The following COL3A1 variants were observed in gnomAD, a reference collection of about 807,000 sequenced individuals.
COL3A1 encodes collagen alpha-1(III) chain.
In COL3A1, 46 loss-of-function variants were observed where a neutral mutation model predicts 200.9. The observed-to-expected ratio is 0.23, with a 90% CI of 0.18 to 0.29. The LOEUF is 0.29. COL3A1 is among the 10% of genes least tolerant of loss of function. The pLI, the probability that COL3A1 is intolerant of heterozygous loss-of-function variation, is 1.00. For synonymous variants in COL3A1, 650 were observed against 628.0 expected, an observed-to-expected ratio of 1.03 and a Z score of -0.52; for missense variants, 1,367 against 1,917.6, an observed-to-expected ratio of 0.71 and a Z score of 5.36.
In COL3A1 at chr2:188,994,654, T is replaced by C. The variant is rs996739719; in HGVS notation, c.1347+60T>C. The C allele has an allele frequency of 1.9e-6, 3 of 1,609,872 alleles. No individual in the cohort carries two copies. In the East Asian group the frequency reaches 6.7e-5, roughly 36 times the overall value. On this transcript the variant is annotated intron_variant, in intron 19 of 50. Transcript: ENST00000304636. This position sits in a 1 kb window ranked among gnomAD's most constrained non-coding sequence, Gnocchi z 4.5. ...GAAAAAATGCAACATAATTAGAAAG[T>C]AAACAGGTAAAAACTTTGAACTAAA...
chr2:188,987,943 A>C, intron 5 of COL3A1, 138 bp from the exon 6 acceptor site: 2 of 708,148 alleles, frequency 2.8e-6, no homozygotes, highest in Non-Finnish European at 2.6e-6. Context: ...AGATCTCATG[A>C]ATAGTTATCA....
At chr2:188,989,948 AC>A in intron 8 of COL3A1, 147 bp from the exon 9 acceptor site, 1 of 748,306 alleles carries the variant, frequency 1.3e-6, no homozygotes, top group Non-Finnish European at 2.4e-6. Flanking sequence ...CATGCCTTCT[AC>A]CAAGAAAGCT....
rs1160258883 is a variant in COL3A1 at position 188,999,336 on chromosome 2, C to A, written c.2074C>A (p.Pro692Thr). The A allele has an allele frequency of 1.9e-6, 3 of 1,593,362 alleles. No individual in the cohort carries two copies. The highest frequency in any genetic ancestry group is 2.3e-5 in the East Asian group (1 of 43,866). Residue 692 changes from proline (P) to threonine (T), a missense_variant, in exon 30 of 51, where the codon CCA becomes ACA. This residue lies in a region of COL3A1 where 846 missense variants were observed against 1,147.9 expected (regional missense o/e 0.74). Coordinates refer to ENST00000304636, the MANE Select transcript of COL3A1 (RefSeq NM_000090.4). ...ERGPPGLAGA[P>T]GLRGGAGPPG... Reference sequence around the variant, plus strand: ...TGGACCTCCTGGATTGGCAGGGGCCCCAGGACTTAGAGGTGGAGCTGGTCC... The same window carrying A: ...TGGACCTCCTGGATTGGCAGGGGCCACAGGACTTAGAGGTGGAGCTGGTCC...
rs72912628 is a variant in COL3A1, at chr2:188,985,377, C to T, written c.333+130C>T. ...CACATATTTGAATAATGGCACCAAACAACAGACTGAGAATCCATAATTGTA... is the reference window on the plus strand; with the variant it reads ...CACATATTTGAATAATGGCACCAAATAACAGACTGAGAATCCATAATTGTA... On this transcript the variant is annotated intron_variant, in intron 3 of 50. Transcript: ENST00000304636. 0.018 allele frequency: 14,450 copies of T among 782,184 alleles called. 155 individuals are homozygous for T. Among genetic ancestry groups the T allele is most frequent in the African/African-American group, 0.038 (2,165 of 57,398 alleles). The allele number at this position is 782,184 out of a possible 1,614,324, so 48.5% of individuals were successfully genotyped here.
At position 188,992,895 on chromosome 2, in the gene COL3A1, T is replaced by C; in HGVS notation, c.1005T>C (p.Pro335=). 6.2e-7 allele frequency: 1 copy of C among 1,614,008 alleles called. No individual in the cohort carries two copies. Residue 335 remains proline (P), a synonymous_variant, in exon 15 of 51, where the codon CCT becomes CCC. Transcript: ENST00000304636. Reference sequence around the variant, plus strand: ...GTATTTAATTTTTTCAGGGCCCTCCTGGTCCTCCTGGAACTGCCGGATTCC... The same window carrying C: ...GTATTTAATTTTTTCAGGGCCCTCCCGGTCCTCCTGGAACTGCCGGATTCC... ...ARGSDGQPGP[P]GPPGTAGFPG...
chr2:188,983,242 T>A (rs936667503), intron 1 of COL3A1, among the ~76,000 whole-genome samples: 6 of 152,012 alleles, frequency 3.9e-5, no homozygotes, highest in Middle Eastern at 3.4e-3. Flanking sequence ...AAATTGCAAT[T>A]AAAAAATGAA....
At chr2:189,007,151 TATAGATAGATGATAGATAG>T (rs1354965783) in intron 44 of COL3A1, among the ~76,000 whole-genome samples, 161 bp downstream of exon 44, 91 of 105,350 alleles carry the variant, frequency 8.6e-4, no homozygotes, top group African/African-American at 2.8e-3. Flanking sequence ...TTGTTCTATC[TATAGATAGATGATAGATAG>T]ATAGATAGAT....
At chr2:189,006,175 A>T in intron 41 of COL3A1, 31 bp from the exon 42 acceptor site, 1 of 1,612,724 alleles carries the variant, frequency 6.2e-7, no homozygotes, top group Non-Finnish European at 8.5e-7. Flanking sequence ...GGTTTCAAGA[A>T]ATTTTATTTC....
At chr2:189,008,444 C>G (rs1688645824) in intron 47 of COL3A1, 1 of 454,786 alleles carries the variant, frequency 2.2e-6, no homozygotes, top group South Asian at 2.2e-5. Context: ...CTCAGAATTA[C>G]AACATTCATA....
At position 189,003,481 on chromosome 2, in the gene COL3A1, T is replaced by C; in HGVS notation, c.2607+17T>C. ...GGTGGACCTGTAAGTATTGATCCTC[T>C]TAACTATTATTGAAAAGCATTAATT... On this transcript the variant is annotated intron_variant, in intron 37 of 50. Transcript: ENST00000304636. 1 of 1,610,406 alleles carries C rather than the reference T, an allele frequency of 6.2e-7. No homozygotes were observed. The highest frequency in any genetic ancestry group is 8.5e-7 in the Non-Finnish European group (1 of 1,176,736).
In COL3A1 at chr2:188,984,776, T is replaced by C. The variant is rs1296448513; in HGVS notation, c.96T>C (p.Cys32=). 5 of 1,612,910 alleles carry C rather than the reference T, an allele frequency of 3.1e-6. No individual in the cohort carries two copies. The African/African-American group carries it at 6.7e-5, about 22-fold the overall frequency. ...LAQQEAVEGG[C]SHLGQSYADR... The stretch of plus-strand genomic sequence containing the variant: ...GTTTTTCAGCTGTTGAAGGAGGATG[T>C]TCCCATCTTGGTCAGTCCTATGCGG... Residue 32 remains cysteine, a synonymous_variant, in exon 2 of 51, where the codon TGT becomes TGC. Transcript: ENST00000304636.
intron 28 of COL3A1, 41 bp downstream of exon 28, chr2:188,998,360 A>G: frequency 6.6e-7 from 1 of 1,526,166 alleles, no homozygotes. Context: ...AAACAAAAAG[A>G]ATACACACTG....
At chr2:188,976,214 A>G (rs1687810404) in intron 1 of COL3A1, among the ~76,000 whole-genome samples, 1 of 151,992 alleles carries the variant, frequency 6.6e-6, no homozygotes, top group Non-Finnish European at 1.5e-5. Context: ...ATTGCAACAT[A>G]TTTGTAGTTG....
Position 188,996,406 on chromosome 2 carries a change from A to G in COL3A1, c.1671A>G (p.Gln557=). The G allele has an allele frequency of 6.2e-7, 1 of 1,613,650 alleles. No homozygotes were observed. Among genetic ancestry groups the G allele is most frequent in the Non-Finnish European group, 8.5e-7 (1 of 1,179,826 alleles). ...TAATTTTTTCTTATTAGGGAAGTCA[A>G]GGAGAAAGTGGTCGACCAGGTCCTC... The part of the protein sequence containing the change: ...SDGKPGPPGS[Q]GESGRPGPPG... The change falls in exon 24 of 51, where the codon CAA becomes CAG. Residue 557 remains glutamine (Q), a synonymous_variant. Transcript: ENST00000304636.
chr2:189,004,113 G>T lies in COL3A1; in HGVS notation c.2793G>T (p.Glu931Asp), dbSNP rs1047985294. Residue 931 changes from glutamate (E) to aspartate (D), a missense_variant, in exon 39 of 51, where the codon GAG (glutamate) becomes GAT (aspartate). Around this residue, in one of 5 missense-constraint regions of COL3A1, gnomAD observed 846 missense variants for 1,147.9 expected, o/e 0.74. Coordinates refer to ENST00000304636, the MANE Select transcript of COL3A1 (RefSeq NM_000090.4). ...GPKGDAGQPG[E>D]KGSPGAQGPP... is the part of the protein sequence containing the mutation. ...AAGGTGATGCTGGCCAACCAGGAGA[G>T]AAGGGATCGCCTGGTGCCCAGGGCC... 2 of 1,613,800 alleles carry T rather than the reference G, an allele frequency of 1.2e-6. No homozygotes were observed. Among genetic ancestry groups the T allele is most frequent in the African/African-American group, 2.7e-5 (2 of 74,906 alleles).
chr2:189,012,242 T>G lies in COL3A1; in HGVS notation c.*468T>G, dbSNP rs572613224. 1 of 153,920 alleles carries G rather than the reference T, an allele frequency of 6.5e-6. No individual in the cohort carries two copies. The highest frequency in any genetic ancestry group is 1.9e-4 in the East Asian group (1 of 5,212). 9.5% of individuals were successfully genotyped at this position (153,920 alleles called of 1,614,324 possible). A position where few individuals can be genotyped will look rare whatever the true frequency, so the allele number is the denominator to read the frequency against. ...ATGAGTCCCAGAAGATGAAAAAAAT[T>G]TTATACGTTGATAAAACTTATAAAT... On this transcript the variant is annotated 3_prime_UTR_variant, in exon 51 of 51. Transcript: ENST00000304636.
chr2:188,984,661 T>C, intron 1 of COL3A1, 99 bp from the exon 2 acceptor site: 6 of 1,043,662 alleles, frequency 5.7e-6, no homozygotes, highest in Non-Finnish European at 7.5e-6. Flanking sequence ...GTTTCAAACC[T>C]TTTCAACTTT....
chr2:188,994,211 T>C lies in COL3A1; in HGVS notation c.1195-23T>C, dbSNP rs1408167041. ...AAAGAACATTCAAGTTCGGCTAATATAGTGTCTTTGGTTTGTTCTTAGGGT... is the reference window on the plus strand; with the variant it reads ...AAAGAACATTCAAGTTCGGCTAATACAGTGTCTTTGGTTTGTTCTTAGGGT... On this transcript the variant is annotated intron_variant, in intron 17 of 50. Coordinates refer to ENST00000304636, the MANE Select transcript of COL3A1 (RefSeq NM_000090.4). This position sits in a 1 kb window ranked among gnomAD's most constrained non-coding sequence, Gnocchi z 4.5. 2 of 1,613,436 alleles carry C rather than the reference T, an allele frequency of 1.2e-6. No individual in the cohort carries two copies. Among genetic ancestry groups the C allele is most frequent in the Admixed American group, 1.7e-5 (1 of 60,022 alleles).
chr2:188,985,003 T>G, intron 2 of COL3A1, 41 bp downstream of exon 2: 1 of 1,565,234 alleles, frequency 6.4e-7, no homozygotes, highest in Non-Finnish European at 8.8e-7. Context: ...ATATTCATAT[T>G]TAGACACATG....
Sources: allele counts gnomAD v4.1 joint callset (sites outside exome capture counted in the v4.1 genomes callset), GRCh38; gene constraint gnomAD v4.1.1; regional missense constraint gnomAD v4.1.1; non-coding constraint Gnocchi (gnomAD v3.1); transcripts MANE v1.5; gene names NCBI Gene and HGNC (gene_info 2026-07-23, HGNC 2026-07-21).